The following PRKN variants were observed in gnomAD, a reference collection of about 807,000 sequenced individuals.
The protein encoded by PRKN is parkin RBR E3 ubiquitin protein ligase.
In PRKN, 56 loss-of-function variants were observed where a neutral mutation model predicts 59.5. That is an observed-to-expected ratio of 0.94 (90% confidence interval 0.76 to 1.18). The LOEUF (loss-of-function observed/expected upper bound fraction) is 1.18, where lower values mean the gene tolerates loss of function less well. Among genes scored for constraint, PRKN ranks in the 50% most tolerant of loss-of-function variants. The probability of loss-of-function intolerance (pLI) is 0.00; values close to 1 mark genes in which losing one functional copy is unlikely to be tolerated. For synonymous variants in PRKN, 250 were observed against 222.1 expected (o/e 1.13, Z -1.12); for missense variants, 657 against 596.4 (o/e 1.10, Z -1.06).
At chr6:162,666,485 C>T (rs183612886) in intron 1 of PRKN, among the ~76,000 whole-genome samples, 102 of 152,136 alleles carry the variant, frequency 6.7e-4, no homozygotes, top group African/African-American at 1.7e-3. Flanking sequence ...CTCCACAGAG[C>T]GCTAAGATAT....
At chr6:161,847,479 T>A (rs1438375832) in intron 6 of PRKN, among the ~76,000 whole-genome samples, 5 of 152,206 alleles carry the variant, frequency 3.3e-5, no homozygotes, top group Non-Finnish European at 2.9e-5. Context: ...CTCAGCTGTC[T>A]ACATCAAGTG....
At chr6:162,117,529 GT>G (rs1258922102) in intron 4 of PRKN, among the ~76,000 whole-genome samples, 1 of 152,196 alleles carries the variant, frequency 6.6e-6, no homozygotes, top group African/African-American at 2.4e-5. Flanking sequence ...TGGGGGGAAG[GT>G]ACAGACCATG....
chr6:162,475,648 C>T (rs1294775807), intron 1 of PRKN, among the ~76,000 whole-genome samples: 25 of 152,186 alleles, frequency 1.6e-4, no homozygotes, highest in Admixed American at 1.6e-3. Context: ...GACACAAGCA[C>T]AGGGCTGCGT....
In PRKN at chr6:162,274,197, A is replaced by C. The variant is rs536441806; in HGVS notation, c.172-11432T>G. On this transcript the variant is annotated intron_variant, in intron 2 of 11. Coordinates refer to ENST00000366898, the MANE Select transcript of PRKN (RefSeq NM_004562.3). ...AATTTATTAATGTATTTATTTATTTATTTATTTTGTGAGACCAGGTCTCCC... is the reference window on the plus strand; with the variant it reads ...AATTTATTAATGTATTTATTTATTTCTTTATTTTGTGAGACCAGGTCTCCC... Among the ~76,000 whole-genome samples the C allele has an allele frequency of 1.1e-3, 174 of 151,760 alleles. 1 individual carries two copies. The highest frequency in any genetic ancestry group is 3.8e-3 in the African/African-American group (159 of 41,400).
At position 161,823,583 on chromosome 6, in the gene PRKN, T is replaced by C. The variant is rs551232633; in HGVS notation, c.735-37675A>G. ...GAAACCTAACTTCTTGCTTCTTTCA[T>C]TGGCCGAAAGGATGGTATTACAGAT... On this transcript the variant is annotated intron_variant, in intron 6 of 11. Transcript: ENST00000366898. 3.3e-5 allele frequency among the ~76,000 whole-genome samples: 5 copies of C among 152,350 alleles called. No individual in the cohort carries two copies. In the South Asian group the frequency reaches 6.2e-4, roughly 19 times the overall value.
Position 161,423,818 on chromosome 6 carries a change from T to C in PRKN, c.1084-36941A>G, listed in dbSNP as rs1788211131. 2.0e-5 allele frequency among the ~76,000 whole-genome samples: 3 copies of C among 152,222 alleles called. No homozygotes were observed. Among genetic ancestry groups the C allele is most frequent in the African/African-American group, 7.2e-5 (3 of 41,454 alleles). ...GGGGACTCTGCCTAGGTCTCATCAT[T>C]GTGTATGAATTGACAGAACAGTGCC... On this transcript the variant is annotated intron_variant, in intron 9 of 11. Coordinates refer to ENST00000366898, the MANE Select transcript of PRKN (RefSeq NM_004562.3). This position sits in a 1 kb window ranked among gnomAD's most constrained non-coding sequence, Gnocchi z 5.9.
At chr6:161,887,094 G>A (rs1583301277) in intron 6 of PRKN, among the ~76,000 whole-genome samples, 1 of 152,190 alleles carries the variant, frequency 6.6e-6, no homozygotes, top group Non-Finnish European at 1.5e-5. Flanking sequence ...TGAAGTACCT[G>A]AAAAACTTAT....
chr6:161,374,146 A>G (rs1284743590), intron 10 of PRKN, among the ~76,000 whole-genome samples: 1 of 152,066 alleles, frequency 6.6e-6, no homozygotes, highest in Non-Finnish European at 1.5e-5. Flanking sequence ...AGGAGCTCCA[A>G]ATGCCCGTGG....
At chr6:162,532,852 G>C (rs1778569517) in intron 1 of PRKN, among the ~76,000 whole-genome samples, 1 of 152,128 alleles carries the variant, frequency 6.6e-6, no homozygotes, top group South Asian at 2.1e-4. Flanking sequence ...TCTCTCCCTG[G>C]GGGGATACTG....
intron 4 of PRKN, among the ~76,000 whole-genome samples, chr6:162,149,153 T>G (rs763061208): frequency 5.9e-5 from 9 of 152,194 alleles, no homozygotes; most frequent in Non-Finnish European, 1.0e-4. Context: ...AAGGTCGTAT[T>G]AGAGAAGAGG....
rs1010567142 is a variant in PRKN, at chr6:161,566,432, A to C, written c.933+2923T>G. On this transcript the variant is annotated intron_variant, in intron 8 of 11. Transcript: ENST00000366898. This position sits in a 1 kb window ranked among gnomAD's most constrained non-coding sequence, Gnocchi z 4.1. ...TATCATTATTATTTTTCTGAGACAG[A>C]GTCTCACTCTGTCACCCAGGCTGGA... Among the ~76,000 whole-genome samples the C allele has an allele frequency of 2.0e-5, 3 of 152,100 alleles. No homozygotes were observed. Among genetic ancestry groups the C allele is most frequent in the Non-Finnish European group, 4.4e-5 (3 of 68,016 alleles).
chr6:162,117,963 G>A (rs1780744602), intron 4 of PRKN, among the ~76,000 whole-genome samples: 1 of 152,072 alleles, frequency 6.6e-6, no homozygotes, highest in Admixed American at 6.6e-5. Context: ...AGGCATGATG[G>A]CACACACCTG....
rs1331816058 is a variant in PRKN at position 161,809,306 on chromosome 6, A to AC, written c.735-23399dup. Among the ~76,000 whole-genome samples the AC allele has an allele frequency of 3.9e-3, 28 of 7,246 alleles. No homozygotes were observed. The Admixed American group carries it at 0.072, about 19-fold the overall frequency. 4.8% of individuals were successfully genotyped at this position (7,246 alleles called of 152,430 possible). A position where few individuals can be genotyped will look rare whatever the true frequency, so the allele number is the denominator to read the frequency against. ...AAATCCCGAGTCCTGAGGAATTACC[A>AC]CTTGGGGCTGGGTACTTGATCATAC... On this transcript the variant is annotated intron_variant, in intron 6 of 11. Transcript: ENST00000366898.
At chr6:161,789,117 T>C (rs1790540426) in intron 6 of PRKN, among the ~76,000 whole-genome samples, 1 of 152,208 alleles carries the variant, frequency 6.6e-6, no homozygotes, top group Non-Finnish European at 1.5e-5. Flanking sequence ...TATTAAGATA[T>C]TCCTTGTAGT....
chr6:161,495,470 G>T (rs967278404), intron 9 of PRKN, among the ~76,000 whole-genome samples: 1 of 152,204 alleles, frequency 6.6e-6, no homozygotes, highest in African/African-American at 2.4e-5. Flanking sequence ...CTGCACTCAG[G>T]GTCCCATGTG....
chr6:162,081,148 G>C (rs898737541), intron 4 of PRKN, among the ~76,000 whole-genome samples: 2 of 151,988 alleles, frequency 1.3e-5, no homozygotes, highest in Admixed American at 6.5e-5. Context: ...TCATCCATGA[G>C]GGTTAGAATC....
chr6:162,269,165 G>A (rs185111218), intron 2 of PRKN, among the ~76,000 whole-genome samples: 33 of 152,228 alleles, frequency 2.2e-4, no homozygotes, highest in South Asian at 8.3e-4. Flanking sequence ...TGGAGATCCC[G>A]TCACCCCAGG....
intron 1 of PRKN, among the ~76,000 whole-genome samples, chr6:162,541,068 C>T (rs922901651): frequency 2.0e-5 from 3 of 152,150 alleles, no homozygotes; most frequent in South Asian, 2.1e-4. Flanking sequence ...ACTCCCTGTA[C>T]GATGGAGGCC....
chr6:162,659,801 A>AT, intron 1 of PRKN, among the ~76,000 whole-genome samples: 1 of 152,324 alleles, frequency 6.6e-6, no homozygotes, highest in East Asian at 1.9e-4. Flanking sequence ...ATGAAAAGTA[A>AT]TATACTTTCG....
Sources: gnomAD v4.1 joint callset for allele counts (sites outside exome capture counted in the v4.1 genomes callset) on GRCh38, gnomAD v4.1.1 for gene constraint, Gnocchi (gnomAD v3.1) non-coding constraint, MANE v1.5 for transcripts, NCBI Gene and HGNC (gene_info 2026-07-23, HGNC 2026-07-21) for gene names.